The following TACR3 variants were observed in gnomAD, a reference collection of about 807,000 sequenced individuals.
The protein encoded by TACR3 is tachykinin receptor 3.
Under a neutral mutation model 35.0 loss-of-function variants are expected in TACR3, and 34 were observed. The observed-to-expected ratio is 0.97, with a 90% CI of 0.74 to 1.30. The LOEUF is 1.30. Among genes scored for constraint, TACR3 ranks in the 50% most tolerant of loss-of-function variants. The probability of loss-of-function intolerance (pLI) is 0.00; values close to 1 mark genes in which losing one functional copy is unlikely to be tolerated. For synonymous variants in TACR3, 233 were observed against 221.1 expected (o/e 1.05, Z -0.48); for missense variants, 558 against 591.7 (o/e 0.94, Z 0.59).
rs138534173 is a variant in TACR3 at position 103,604,461 on chromosome 4, A to AT, written c.889-12779dup. On this transcript the variant is annotated intron_variant, in intron 3 of 4. Transcript: ENST00000304883. The stretch of plus-strand genomic sequence containing the variant: ...CCTAGAAGAAAACCTAGGCAACACC[A>AT]TTCAGGATGTAGACATGAGAAAAGA... Among the ~76,000 whole-genome samples the AT allele has an allele frequency of 9.9e-3, 1,509 of 152,330 alleles. 5 individuals carry two copies. Among genetic ancestry groups the AT allele is most frequent in the Non-Finnish European group, 0.016 (1,099 of 68,032 alleles).
At chr4:103,625,419 A>ATAGAC (rs1724867347) in intron 3 of TACR3, among the ~76,000 whole-genome samples, 1 of 152,194 alleles carries the variant, frequency 6.6e-6, no homozygotes, top group Non-Finnish European at 1.5e-5. Context: ...TAAGGCAAGG[A>ATAGAC]TAGACAAAAG....
chr4:103,587,571 A>G lies in TACR3; in HGVS notation c.*2111T>C, dbSNP rs938078222. 2.6e-5 allele frequency: 4 copies of G among 152,130 alleles called. No homozygotes were observed. Among genetic ancestry groups the G allele is most frequent in the Non-Finnish European group, 5.9e-5 (4 of 67,986 alleles). The allele number at this position is 152,130 out of a possible 1,614,324, so 9.4% of individuals were successfully genotyped here. On this transcript the variant is annotated 3_prime_UTR_variant, in exon 5 of 5. Transcript: ENST00000304883. ...GAGGGCCAGGAGTTATATTTTTCAAATGTATGATACTTTGGTAGTGGCTGA... is the reference window on the plus strand; with the variant it reads ...GAGGGCCAGGAGTTATATTTTTCAAGTGTATGATACTTTGGTAGTGGCTGA...
intron 1 of TACR3, among the ~76,000 whole-genome samples, chr4:103,715,429 A>G (rs561857817): frequency 4.6e-5 from 7 of 152,154 alleles, no homozygotes; most frequent in African/African-American, 1.7e-4. Flanking sequence ...TTCTGTCATG[A>G]TTGTAAGTTT....
chr4:103,692,252 C>G (rs1394420141), intron 1 of TACR3, among the ~76,000 whole-genome samples: 4 of 151,944 alleles, frequency 2.6e-5, no homozygotes, highest in Non-Finnish European at 4.4e-5. Flanking sequence ...AAACACTAAT[C>G]AGAAGAAAAG....
rs766492572 is a variant in TACR3, at chr4:103,589,984, C to T, written c.1096G>A (p.Gly366Ser). ...CACCAGCGAAATGCTCTCTTGAAGC[C>T]AGCTCGAAATCTGAGGAAAAGCAGG... is the stretch of plus-strand genomic sequence containing the variant. ...YCCLNKRFRA[G>S]FKRAFRWCPF... Residue 366 changes from glycine to serine, a missense_variant, in exon 5 of 5, where the codon GGC (glycine) becomes AGC (serine). Physicochemically the swap from Gly to Ser is moderately conservative, Grantham distance 56 (BLOSUM62 0). Coordinates refer to ENST00000304883, the MANE Select transcript of TACR3 (RefSeq NM_001059.3). 3 of 1,613,596 alleles carry T rather than the reference C, an allele frequency of 1.9e-6. No individual in the cohort carries two copies. In the South Asian group the frequency reaches 3.3e-5, roughly 18 times the overall value.
intron 1 of TACR3, among the ~76,000 whole-genome samples, chr4:103,706,185 G>A (rs551533362): frequency 1.3e-5 from 2 of 152,188 alleles, no homozygotes; most frequent in South Asian, 2.1e-4. Flanking sequence ...AATATCTGGA[G>A]GTAAGATGAT....
At chr4:103,595,448 T>G (rs1019740583) in intron 3 of TACR3, among the ~76,000 whole-genome samples, 1 of 152,174 alleles carries the variant, frequency 6.6e-6, no homozygotes, top group African/African-American at 2.4e-5. Flanking sequence ...AGAATCTAAC[T>G]ACGTAGGCAG....
intron 1 of TACR3, among the ~76,000 whole-genome samples, chr4:103,716,482 AAAGT>A (rs1258783931): frequency 1.3e-5 from 2 of 152,084 alleles, no homozygotes; most frequent in African/African-American, 2.4e-5. Context: ...GTGAAAATAG[AAAGT>A]AAGTAATTTT....
intron 3 of TACR3, among the ~76,000 whole-genome samples, chr4:103,629,746 C>T (rs1288798258): frequency 2.0e-5 from 3 of 150,562 alleles, no homozygotes; most frequent in Non-Finnish European, 4.4e-5. Context: ...ATGCCATCCC[C>T]ATCAAGCTAC....
intron 3 of TACR3, among the ~76,000 whole-genome samples, chr4:103,633,250 A>C (rs892286459): frequency 6.6e-6 from 1 of 152,080 alleles, no homozygotes; most frequent in Admixed American, 6.6e-5. Context: ...CAATGCTTAA[A>C]TATGTGGTCT....
intron 3 of TACR3, among the ~76,000 whole-genome samples, chr4:103,634,238 G>T (rs183034672): frequency 1.3e-5 from 2 of 152,162 alleles, no homozygotes; most frequent in African/African-American, 4.8e-5. Flanking sequence ...GGAATTTTCT[G>T]CATTGCTTAA....
chr4:103,602,447 G>A lies in TACR3; in HGVS notation c.889-10764C>T, dbSNP rs181429969. Among the ~76,000 whole-genome samples the A allele has an allele frequency of 4.0e-4, 61 of 152,032 alleles. No homozygotes were observed. The East Asian group carries it at 0.012, about 29-fold the overall frequency. ...TGGTGAGGAGCTGTGTTCCTTTGGA[G>A]GAGGAGAGGTGCTCTGCTTTTTAGA... On this transcript the variant is annotated intron_variant, in intron 3 of 4. Coordinates refer to ENST00000304883, the MANE Select transcript of TACR3 (RefSeq NM_001059.3).
intron 3 of TACR3, among the ~76,000 whole-genome samples, chr4:103,615,398 T>TGA (rs111766715): frequency 0.035 from 4,140 of 117,120 alleles, 71 homozygotes; most frequent in Middle Eastern, 0.041. Context: ...TGTGTGTGTG[T>TGA]GAGAGAGAGA....
At chr4:103,611,658 T>TC (rs1303318467) in intron 3 of TACR3, among the ~76,000 whole-genome samples, 2 of 151,922 alleles carry the variant, frequency 1.3e-5, no homozygotes, top group Non-Finnish European at 2.9e-5. Context: ...CATTTCCTTT[T>TC]TTTTAACACA....
At chr4:103,711,185 A>C (rs1278278209) in intron 1 of TACR3, among the ~76,000 whole-genome samples, 1 of 152,164 alleles carries the variant, frequency 6.6e-6, no homozygotes, top group Non-Finnish European at 1.5e-5. Context: ...CAGAGACACA[A>C]CAAAAAAAGA....
chr4:103,658,746 C>T (rs867238409), intron 1 of TACR3, among the ~76,000 whole-genome samples: 9 of 152,050 alleles, frequency 5.9e-5, no homozygotes, highest in African/African-American at 2.2e-4. Flanking sequence ...CACCAAGGAT[C>T]GGTTTTATGG....
At chr4:103,622,008 G>T (rs1222130494) in intron 3 of TACR3, among the ~76,000 whole-genome samples, 1 of 152,170 alleles carries the variant, frequency 6.6e-6, no homozygotes, top group South Asian at 2.1e-4. Flanking sequence ...GTGGTTGTTA[G>T]AAGAAGAAAA....
chr4:103,687,584 G>T (rs866087328), intron 1 of TACR3, among the ~76,000 whole-genome samples: 2 of 151,936 alleles, frequency 1.3e-5, no homozygotes, highest in African/African-American at 2.4e-5. Context: ...AAAATCACAA[G>T]CATTCTTATA....
Position 103,650,793 on chromosome 4 carries a change from ATATATTTT to A in TACR3, c.888+5393_888+5400del, listed in dbSNP as rs1220996334. Among the ~76,000 whole-genome samples, 72 of 30,990 alleles carry A rather than the reference ATATATTTT, an allele frequency of 2.3e-3. 11 individuals are homozygous for A. The highest frequency in any genetic ancestry group is 7.7e-3 in the African/African-American group (48 of 6,208). The allele number at this position is 30,990 out of a possible 152,430, so 20.3% of individuals were successfully genotyped here. A position where few individuals can be genotyped will look rare whatever the true frequency, so the allele number is the denominator to read the frequency against. On this transcript the variant is annotated intron_variant, in intron 3 of 4. Transcript: ENST00000304883. ...ATATAATATATATTATATATGATAT[ATATATTTT>A]ATATATAATAATATATTATATAATA...
Sources: gnomAD v4.1 joint callset for allele counts (sites outside exome capture counted in the v4.1 genomes callset) on GRCh38, gnomAD v4.1.1 for gene constraint, MANE v1.5 for transcripts, NCBI Gene and HGNC (gene_info 2026-07-23, HGNC 2026-07-21) for gene names.